The following RELCH variants were observed in gnomAD, a reference collection of about 807,000 sequenced individuals.
The protein encoded by RELCH is RAB11 binding and LisH domain, coiled-coil and HEAT repeat containing.
Under a neutral mutation model 150.3 loss-of-function variants are expected in RELCH, and 41 were observed. That is an observed-to-expected ratio of 0.27 (90% CI 0.21 to 0.35). The LOEUF (loss-of-function observed/expected upper bound fraction) is 0.35. Among genes scored for constraint, RELCH ranks in the 10% least tolerant of loss-of-function variants. The probability of loss-of-function intolerance (pLI) is 1.00; values close to 1 mark genes in which losing one functional copy is unlikely to be tolerated. For synonymous variants in RELCH, 478 were observed against 531.8 expected, an observed-to-expected ratio of 0.90 and a Z score of 1.39; for missense variants, 1,092 against 1,467.8, an observed-to-expected ratio of 0.74 and a Z score of 4.18.
chr18:62,204,118 C>T (rs2039630220), intron 1 of RELCH, among the ~76,000 whole-genome samples: 1 of 152,032 alleles, frequency 6.6e-6, no homozygotes, highest in African/African-American at 2.4e-5. Context: ...ATATACTGCC[C>T]TTATCCCCAG....
intron 1 of RELCH, among the ~76,000 whole-genome samples, chr18:62,205,843 G>A (rs1279274691): frequency 6.6e-6 from 1 of 151,880 alleles, no homozygotes; most frequent in Admixed American, 6.6e-5. Context: ...AGAGCAACAT[G>A]GCAAGACCCT....
At chr18:62,215,184 A>G (rs1264500087) in intron 2 of RELCH, among the ~76,000 whole-genome samples, 1 of 152,160 alleles carries the variant, frequency 6.6e-6, no homozygotes, top group Non-Finnish European at 1.5e-5. Flanking sequence ...TCTCATTTGA[A>G]TCTACCCAAA....
intron 1 of RELCH, among the ~76,000 whole-genome samples, chr18:62,198,411 A>G (rs1002230324): frequency 1.3e-5 from 2 of 152,204 alleles, no homozygotes; most frequent in African/African-American, 2.4e-5. Context: ...AGTTGCAATC[A>G]TGGGTGTAGC....
At chr18:62,269,312 C>T (rs138965843) in intron 20 of RELCH, 21 of 364,038 alleles carry the variant, frequency 5.8e-5, no homozygotes, top group Non-Finnish European at 9.1e-5. Context: ...ACCTTATCAA[C>T]ATTTTTAGCT....
chr18:62,290,838 A>G (rs2145050438), intron 26 of RELCH, among the ~76,000 whole-genome samples: 1 of 152,356 alleles, frequency 6.6e-6, no homozygotes, highest in South Asian at 2.1e-4. Context: ...GGATGGTTAA[A>G]GCAAGAAATC....
rs1260297925 is a variant in RELCH, at chr18:62,187,498, A to G, written c.-8A>G. The G allele has an allele frequency of 2.6e-6, 4 of 1,511,136 alleles. No individual in the cohort carries two copies. The highest frequency in any genetic ancestry group is 3.5e-6 in the Non-Finnish European group (4 of 1,130,596). The allele number at this position is 1,511,136 out of a possible 1,614,324, so 93.6% of individuals were successfully genotyped here. ...TCAGGGAGGCGCCCACACTCCTGAC[A>G]GGATAAGATGGCGGCGATGGCGCCT... On this transcript the variant is annotated 5_prime_UTR_variant, in exon 1 of 29. Coordinates refer to ENST00000644646, the MANE Select transcript of RELCH (RefSeq NM_001346231.2).
At chr18:62,255,273 CAG>C (rs2042936862) in intron 12 of RELCH, 132 bp from the exon 13 acceptor site, 1 of 696,664 alleles carries the variant, frequency 1.4e-6, no homozygotes, top group South Asian at 1.6e-5. Flanking sequence ...TATAGTCAAA[CAG>C]GGATTCCCAG....
Position 62,275,353 on chromosome 18 carries a change from GT to G in RELCH, c.2868-8del, listed in dbSNP as rs72266333. The G allele has an allele frequency of 0.053, 55,461 of 1,037,294 alleles. 46 individuals are homozygous for G. Among genetic ancestry groups the G allele is most frequent in the East Asian group, 0.093 (2,909 of 31,272 alleles). 64.3% of individuals were successfully genotyped at this position (1,037,294 alleles called of 1,614,324 possible). On this transcript the variant is annotated intron_variant, in intron 21 of 28. Transcript: ENST00000644646. ...GACTGTGGCTCTCAATTTTAACACT[GT>G]TTTTTTTTTTTTCTTCTAGTGCAAA...
At chr18:62,193,985 C>T (rs933310210) in intron 1 of RELCH, among the ~76,000 whole-genome samples, 1 of 150,778 alleles carries the variant, frequency 6.6e-6, no homozygotes, top group Admixed American at 6.6e-5. Flanking sequence ...GTGGCTCACA[C>T]CTGTAATCCC....
chr18:62,279,590 T>C (rs1376615677), intron 22 of RELCH, among the ~76,000 whole-genome samples, 184 bp from the exon 23 acceptor site: 1 of 152,238 alleles, frequency 6.6e-6, no homozygotes, highest in African/African-American at 2.4e-5. Context: ...AAGCTTTATT[T>C]TCCTCCTAAG....
At chr18:62,210,917 A>G (rs946373586) in intron 1 of RELCH, among the ~76,000 whole-genome samples, 4 of 152,182 alleles carry the variant, frequency 2.6e-5, no homozygotes, top group African/African-American at 4.8e-5. Flanking sequence ...GCTGCTTGCA[A>G]TATTCCCTGT....
At chr18:62,302,843 A>G (rs2045725605) in intron 28 of RELCH, among the ~76,000 whole-genome samples, 1 of 152,162 alleles carries the variant, frequency 6.6e-6, no homozygotes, top group African/African-American at 2.4e-5. Context: ...GATTTTAAAG[A>G]GAAGAAAAGA....
At chr18:62,304,845 A>G (rs368333473) in intron 28 of RELCH, among the ~76,000 whole-genome samples, 1 of 152,224 alleles carries the variant, frequency 6.6e-6, no homozygotes, top group Non-Finnish European at 1.5e-5. Flanking sequence ...GCAACTGGCA[A>G]TTCAGGACAT....
At chr18:62,251,480 GAGAAGGCAGT>G (rs1293035659) in intron 11 of RELCH, among the ~76,000 whole-genome samples, 6 of 152,174 alleles carry the variant, frequency 3.9e-5, no homozygotes, top group Non-Finnish European at 8.8e-5. Context: ...CATGCCTGCT[GAGAAGGCAGT>G]AGAGTCCAAC....
At chr18:62,199,272 C>T (rs1485704290) in intron 1 of RELCH, among the ~76,000 whole-genome samples, 2 of 151,662 alleles carry the variant, frequency 1.3e-5, no homozygotes, top group African/African-American at 4.8e-5. Context: ...TTTGGCTGTT[C>T]CACTTATGGA....
intron 2 of RELCH, among the ~76,000 whole-genome samples, chr18:62,218,594 A>T (rs1179829260): frequency 1.3e-5 from 2 of 152,000 alleles, no homozygotes; most frequent in African/African-American, 4.8e-5. Flanking sequence ...GTGCAGTTTG[A>T]GAAATAACTG....
At position 62,217,039 on chromosome 18, in the gene RELCH, G is replaced by A. The variant is rs377375775; in HGVS notation, c.617-3998G>A. 1.5e-3 allele frequency among the ~76,000 whole-genome samples: 221 copies of A among 151,914 alleles called. 8 individuals carry two copies. In the South Asian group the frequency reaches 0.042, roughly 29 times the overall value. Reference sequence around the variant, plus strand: ...TTTGAAAATAGATTTCTTGTTATTCGTCACCATGAAATTAAAATAGGCTCA... The same window carrying A: ...TTTGAAAATAGATTTCTTGTTATTCATCACCATGAAATTAAAATAGGCTCA... On this transcript the variant is annotated intron_variant, in intron 2 of 28. Coordinates refer to ENST00000644646, the MANE Select transcript of RELCH (RefSeq NM_001346231.2).
Position 62,219,751 on chromosome 18 carries a change from G to C in RELCH, c.617-1286G>C, listed in dbSNP as rs199540307. Among the ~76,000 whole-genome samples the C allele has an allele frequency of 2.6e-5, 4 of 152,090 alleles. No individual in the cohort carries two copies. The East Asian group carries it at 7.7e-4, about 29-fold the overall frequency. On this transcript the variant is annotated intron_variant, in intron 2 of 28. Transcript: ENST00000644646. ...TTCCATGTTGCTGCAGTTAAATTCT[G>C]TGCATCAAAATAATTGGCCTTTGTG...
In RELCH at chr18:62,305,303, C is replaced by T. The variant is rs901107851; in HGVS notation, c.3531-111C>T. On this transcript the variant is annotated intron_variant, in intron 28 of 28. Coordinates refer to ENST00000644646, the MANE Select transcript of RELCH (RefSeq NM_001346231.2). The surrounding 1 kb of genome is among the most constrained non-coding windows in gnomAD (Gnocchi z 4.0). ...AACTACCCTCCATAAATATTAGTTT[C>T]CCTTTTGTGACGCCAATTCAGAGTG... The T allele has an allele frequency of 1.2e-6, 1 of 868,380 alleles. No homozygotes were observed. The highest frequency in any genetic ancestry group is 1.7e-6 in the Non-Finnish European group (1 of 591,218). The allele number at this position is 868,380 out of a possible 1,614,324, so 53.8% of individuals were successfully genotyped here.
Sources: gnomAD v4.1 joint callset for allele counts (sites outside exome capture counted in the v4.1 genomes callset) on GRCh38, gnomAD v4.1.1 for gene constraint, Gnocchi (gnomAD v3.1) non-coding constraint, MANE v1.5 for transcripts, NCBI Gene and HGNC (gene_info 2026-07-23, HGNC 2026-07-21) for gene names.